TRAF2: variants seen among roughly 807,000 people sequenced by gnomAD.
The protein encoded by TRAF2 is TNF receptor associated factor 2, also known as TNF receptor-associated factor 2.
TRAF2 carries 6 observed loss-of-function variants against 55.6 expected under a neutral mutation model. That is an observed-to-expected ratio of 0.11 (90% CI 0.06 to 0.21). TRAF2 has a LOEUF of 0.21. Ranked by LOEUF, TRAF2 falls within the 10% of genes least tolerant of loss-of-function variation. The pLI is 1.00. For synonymous variants in TRAF2, 329 were observed against 276.3 expected (o/e 1.19, Z -1.89); for missense variants, 561 against 684.5 (o/e 0.82, Z 2.01).
intron 5 of TRAF2, 106 bp downstream of exon 5, chr9:136,908,337 C>G (rs1235794864): frequency 3.9e-6 from 5 of 1,277,668 alleles, no homozygotes; most frequent in African/African-American, 1.5e-5. Context: ...GCACTCGTTC[C>G]ACCCCCTCGG....
chr9:136,891,194 C>T (rs970057267), intron 1 of TRAF2, among the ~76,000 whole-genome samples: 6 of 152,130 alleles, frequency 3.9e-5, no homozygotes, highest in South Asian at 2.1e-4. Context: ...CTGCAACCTC[C>T]GCCTCTCAGG....
intron 9 of TRAF2, among the ~76,000 whole-genome samples, chr9:136,923,635 A>AC (rs1850450819): frequency 7.8e-6 from 1 of 127,912 alleles, no homozygotes; most frequent in Non-Finnish European, 1.7e-5. Flanking sequence ...AAAAAAAAAA[A>AC]CTTTTTCTAA....
intron 7 of TRAF2, among the ~76,000 whole-genome samples, chr9:136,917,592 G>A (rs1236194003): frequency 2.0e-5 from 3 of 152,242 alleles, no homozygotes; most frequent in Non-Finnish European, 4.4e-5. Flanking sequence ...CGTGGGTGCA[G>A]ACCCTCCCCT....
intron 4 of TRAF2, among the ~76,000 whole-genome samples, chr9:136,903,432 A>G (rs1412244691): frequency 6.6e-6 from 1 of 152,196 alleles, no homozygotes; most frequent in Non-Finnish European, 1.5e-5. Flanking sequence ...AGGCCAGGAA[A>G]AGCCAAGTAT....
At chr9:136,924,999 A>T (rs1038149285) in intron 10 of TRAF2, among the ~76,000 whole-genome samples, 4 of 152,186 alleles carry the variant, frequency 2.6e-5, no homozygotes, top group African/African-American at 9.7e-5. Context: ...GGCCTCCCAA[A>T]GTGCTGGGAT....
Position 136,925,664 on chromosome 9 carries a change from C to A in TRAF2, c.1288-19C>A. On this transcript the variant is annotated intron_variant, in intron 10 of 10. Coordinates refer to ENST00000247668, the MANE Select transcript of TRAF2 (RefSeq NM_021138.4). Reference sequence around the variant, plus strand: ...CGGCCCACAGACCTGTGTCCCCTCCCTGGGGCTCTCTCCTCCAGGTGACCT... The same window carrying A: ...CGGCCCACAGACCTGTGTCCCCTCCATGGGGCTCTCTCCTCCAGGTGACCT... 6.2e-7 allele frequency: 1 copy of A among 1,613,204 alleles called. No homozygotes were observed. Among genetic ancestry groups the A allele is most frequent in the South Asian group, 1.1e-5 (1 of 91,046 alleles).
upstream of TRAF2, among the ~76,000 whole-genome samples, chr9:136,885,775 A>T (rs576653558): frequency 2.1e-3 from 324 of 152,232 alleles, no homozygotes; most frequent in African/African-American, 6.5e-3. Context: ...CTCAAAAAAA[A>T]AAATAAATAA....
chr9:136,912,654 T>C lies in TRAF2; in HGVS notation c.603+2660T>C, dbSNP rs17250455. Among the ~76,000 whole-genome samples the C allele has an allele frequency of 4.0e-3, 616 of 152,100 alleles. 5 individuals carry two copies. The highest frequency in any genetic ancestry group is 0.015 in the African/African-American group (603 of 41,490). ...CAGTTCGAGACCAGCCTGGCCAACG[T>C]GGTGAAACTCCGTCTCTACTGAAAA... On this transcript the variant is annotated intron_variant, in intron 6 of 10. Coordinates refer to ENST00000247668, the MANE Select transcript of TRAF2 (RefSeq NM_021138.4).
chr9:136,898,846 G>A lies in TRAF2; in HGVS notation c.106G>A (p.Ala36Thr), dbSNP rs750721304. 6.8e-6 allele frequency: 11 copies of A among 1,613,518 alleles called. No homozygotes were observed. The highest frequency in any genetic ancestry group is 1.1e-5 in the South Asian group (1 of 91,076). ...TKLEAKYLCS[A>T]CRNVLRRPFQ... ...GCTGGAAGCCAAGTACCTGTGCTCC[G>A]CCTGCAGAAACGTCCTCCGCAGGCC... The change falls in exon 2 of 11, where the codon GCC becomes ACC. Residue 36 changes from alanine to threonine, a missense_variant. By Grantham distance (58) the Ala-to-Thr change is moderately conservative. This residue lies in a region of TRAF2 where 426 missense variants were observed against 476.8 expected (regional missense o/e 0.89). Coordinates refer to ENST00000247668, the MANE Select transcript of TRAF2 (RefSeq NM_021138.4).
intron 9 of TRAF2, 128 bp from the exon 10 acceptor site, chr9:136,923,724 T>G: frequency 1.2e-6 from 1 of 857,242 alleles, no homozygotes; most frequent in Non-Finnish European, 1.7e-6. Context: ...AAACTTTTCT[T>G]TGCACCCCAG....
intron 9 of TRAF2, among the ~76,000 whole-genome samples, chr9:136,921,962 G>A (rs1564422000): frequency 1.3e-5 from 2 of 152,204 alleles, no homozygotes; most frequent in South Asian, 2.1e-4. Context: ...CTCAGAACAC[G>A]CCCTCGTGCA....
chr9:136,903,365 C>T (rs989961338), intron 4 of TRAF2, among the ~76,000 whole-genome samples: 27 of 151,346 alleles, frequency 1.8e-4, no homozygotes, highest in Admixed American at 1.7e-3. Flanking sequence ...CAGCTGGATG[C>T]GGGGGTGCGG....
intron 1 of TRAF2, among the ~76,000 whole-genome samples, chr9:136,892,140 A>G (rs1849593358): frequency 6.6e-6 from 1 of 152,154 alleles, no homozygotes; most frequent in Non-Finnish European, 1.5e-5. Flanking sequence ...ACATCTTATA[A>G]TAAGTATAAA....
chr9:136,895,082 A>G (rs1849653302), intron 1 of TRAF2, among the ~76,000 whole-genome samples: 1 of 152,148 alleles, frequency 6.6e-6, no homozygotes, highest in East Asian at 1.9e-4. Context: ...TGGCACAGCA[A>G]CCGGGGCAGA....
At chr9:136,916,969 A>G (rs1484160295) in intron 7 of TRAF2, among the ~76,000 whole-genome samples, 1 of 151,848 alleles carries the variant, frequency 6.6e-6, no homozygotes, top group African/African-American at 2.4e-5. Context: ...CCCTGCCCCC[A>G]TCTCACACAG....
chr9:136,900,315 A>G, intron 3 of TRAF2, 107 bp from the exon 4 acceptor site: 1 of 683,190 alleles, frequency 1.5e-6, no homozygotes, highest in South Asian at 2.0e-5. Context: ...TGGCCTGGAA[A>G]GGCGATGTGA....
At chr9:136,889,005 C>T (rs923607721) in intron 1 of TRAF2, among the ~76,000 whole-genome samples, 5 of 151,912 alleles carry the variant, frequency 3.3e-5, no homozygotes, top group Admixed American at 6.6e-5. Context: ...AGCTGGACTA[C>T]AGGCACCCGC....
chr9:136,899,049 G>A (rs1281513045), intron 2 of TRAF2, 121 bp downstream of exon 2: 61 of 948,814 alleles, frequency 6.4e-5, no homozygotes, highest in Non-Finnish European at 8.6e-5. Flanking sequence ...TCCAGTTATC[G>A]ATACTCCCTG....
At chr9:136,890,113 G>A (rs1849549211) in intron 1 of TRAF2, among the ~76,000 whole-genome samples, 2 of 146,086 alleles carry the variant, frequency 1.4e-5, no homozygotes, top group Admixed American at 6.8e-5. Context: ...CGGTCACCGC[G>A]TGTGAGTCCC....
Sources: gnomAD v4.1 joint callset for allele counts (sites outside exome capture counted in the v4.1 genomes callset) on GRCh38, gnomAD v4.1.1 for gene constraint, gnomAD v4.1.1 regional missense constraint, MANE v1.5 for transcripts, NCBI Gene and HGNC (gene_info 2026-07-23, HGNC 2026-07-21) for gene names.